Variants in DLGAP2 observed in about 807,000 individuals in gnomAD.
DLGAP2 encodes the protein disks large-associated protein 2.
DLGAP2 carries 26 observed loss-of-function variants against 100.3 expected under a neutral mutation model. That is an observed-to-expected ratio of 0.26 (90% confidence interval 0.19 to 0.36). DLGAP2 has a LOEUF of 0.36. Among genes scored for constraint, DLGAP2 ranks in the 10% least tolerant of loss-of-function variants. DLGAP2 has a pLI of 1.00. For synonymous variants in DLGAP2, 886 were observed against 630.1 expected (o/e 1.41, Z -6.08); for missense variants, 1,858 against 1,453.2 (o/e 1.28, Z -4.53).
intron 2 of DLGAP2, among the ~76,000 whole-genome samples, chr8:1,041,589 G>T (rs1802350009): frequency 1.4e-5 from 2 of 148,066 alleles, no homozygotes. Flanking sequence ...CGAACCCCTT[G>T]CCGTGGGTGA....
At chr8:1,692,791 G>A (rs999915029) in intron 13 of DLGAP2, among the ~76,000 whole-genome samples, 5 of 151,744 alleles carry the variant, frequency 3.3e-5, no homozygotes, top group Non-Finnish European at 5.9e-5. Flanking sequence ...TACAGTTGAC[G>A]TTAAACTTGG....
At chr8:1,555,506 C>T (rs79430061) in intron 5 of DLGAP2, among the ~76,000 whole-genome samples, 8,538 of 152,280 alleles carry the variant, frequency 0.056, 775 homozygotes, top group African/African-American at 0.19. Context: ...AGAATCCTCT[C>T]CCACCTTGAG....
chr8:1,644,117 G>GT lies in DLGAP2; in HGVS notation c.1810+11071_1810+11072insT, dbSNP rs1390615006. 1.5e-4 allele frequency among the ~76,000 whole-genome samples: 22 copies of GT among 143,556 alleles called. 2 individuals are homozygous for GT. Among genetic ancestry groups the GT allele is most frequent in the African/African-American group, 2.2e-4 (8 of 36,996 alleles). 94.2% of individuals were successfully genotyped at this position (143,556 alleles called of 152,430 possible). On this transcript the variant is annotated intron_variant, in intron 8 of 14. Transcript: ENST00000637795. Reference sequence around the variant, plus strand: ...ACCTGTGTCACCCTCGACCCCGCCGGCCCTCACCTGTGTCACCCCTCGGGG... The same window carrying GT: ...ACCTGTGTCACCCTCGACCCCGCCGGTCCCTCACCTGTGTCACCCCTCGGGG...
intron 8 of DLGAP2, among the ~76,000 whole-genome samples, chr8:1,636,759 G>C (rs1005062810): frequency 2.0e-5 from 3 of 152,168 alleles, no homozygotes; most frequent in African/African-American, 7.2e-5. Flanking sequence ...TCGAGTTACT[G>C]TGTAACTGAT....
At chr8:1,524,952 G>A (rs1302397559) in intron 4 of DLGAP2, among the ~76,000 whole-genome samples, 1 of 152,198 alleles carries the variant, frequency 6.6e-6, no homozygotes, top group East Asian at 1.9e-4. Context: ...TTTTCTTCTT[G>A]ACTTCTTGGT....
intron 1 of DLGAP2, among the ~76,000 whole-genome samples, chr8:843,447 C>G (rs1186976959): frequency 5.3e-5 from 8 of 152,194 alleles, no homozygotes; most frequent in African/African-American, 1.7e-4. Flanking sequence ...TGGGCAAATC[C>G]CCTTCCGGCT....
chr8:1,287,694 AGTGTGTGT>A lies in DLGAP2; in HGVS notation c.106+28830_106+28837del, dbSNP rs1271962722. Among the ~76,000 whole-genome samples, 242 of 57,746 alleles carry A rather than the reference AGTGTGTGT, an allele frequency of 4.2e-3. 18 individuals are homozygous for A. In the East Asian group the frequency reaches 0.075, roughly 18 times the overall value. 37.9% of individuals were successfully genotyped at this position (57,746 alleles called of 152,430 possible). ...TTAGGAGGGGAACTAGTTTCGGTTC[AGTGTGTGT>A]GTGTGTGTGTGTGTGTGTATGTGTG... On this transcript the variant is annotated intron_variant, in intron 3 of 14. Coordinates refer to ENST00000637795, the MANE Select transcript of DLGAP2 (RefSeq NM_001346810.2).
intron 2 of DLGAP2, 72 bp from the exon 3 acceptor site, chr8:1,258,779 G>A: frequency 1.1e-5 from 13 of 1,189,226 alleles, no homozygotes; most frequent in Non-Finnish European, 1.4e-5. Flanking sequence ...TGTTGTTGCT[G>A]ATGTTGAATC....
intron 3 of DLGAP2, among the ~76,000 whole-genome samples, chr8:1,278,380 T>C (rs1423512679): frequency 6.6e-6 from 1 of 152,224 alleles, no homozygotes; most frequent in Non-Finnish European, 1.5e-5. Flanking sequence ...ATCGGCGCAG[T>C]CGTGAGCCTG....
intron 3 of DLGAP2, among the ~76,000 whole-genome samples, chr8:1,319,607 C>T (rs187462165): frequency 2.0e-5 from 3 of 152,294 alleles, no homozygotes; most frequent in Non-Finnish European, 4.4e-5. Context: ...TGCTGGACGT[C>T]CATCAGCTGT....
intron 1 of DLGAP2, among the ~76,000 whole-genome samples, chr8:804,512 G>C (rs904048262): frequency 2.0e-5 from 3 of 152,156 alleles, no homozygotes; most frequent in African/African-American, 7.2e-5. Context: ...ATCAGGTGAC[G>C]AGATGCAGGG....
intron 3 of DLGAP2, among the ~76,000 whole-genome samples, chr8:1,328,275 C>G (rs139737511): frequency 0.02 from 3,003 of 151,910 alleles, 114 homozygotes; most frequent in African/African-American, 0.068. Flanking sequence ...CTCCTGACCT[C>G]GTGATCCACC....
chr8:1,282,941 C>G (rs1282921744), intron 3 of DLGAP2, among the ~76,000 whole-genome samples: 1 of 124,664 alleles, frequency 8.0e-6, no homozygotes, highest in African/African-American at 3.0e-5. Context: ...CATGGTGTGA[C>G]CTGAACCCAG....
At chr8:1,102,781 A>G (rs7014498) in intron 2 of DLGAP2, among the ~76,000 whole-genome samples, 136,635 of 151,942 alleles carry the variant, frequency 0.9, 61,543 homozygotes, top group African/African-American at 0.94. Flanking sequence ...GGGAGGAGAA[A>G]AAGGGGAAGA....
At chr8:1,168,333 A>G (rs146507345) in intron 2 of DLGAP2, among the ~76,000 whole-genome samples, 11 of 151,362 alleles carry the variant, frequency 7.3e-5, no homozygotes, top group African/African-American at 2.7e-4. Flanking sequence ...ATAGTGCCGC[A>G]ATAAACATAC....
At chr8:1,188,871 G>T (rs774662765) in intron 2 of DLGAP2, among the ~76,000 whole-genome samples, 10 of 152,222 alleles carry the variant, frequency 6.6e-5, no homozygotes, top group African/African-American at 9.6e-5. Context: ...AGTTAAAAAA[G>T]CACCTCCAAA....
chr8:1,347,064 T>G (rs1273811613), intron 3 of DLGAP2, among the ~76,000 whole-genome samples: 1 of 148,854 alleles, frequency 6.7e-6, no homozygotes, highest in African/African-American at 2.5e-5. Flanking sequence ...GAGGATGAGT[T>G]CCACACAGAG....
intron 2 of DLGAP2, among the ~76,000 whole-genome samples, chr8:1,095,624 CACAGCCAGG>C (rs1804343999): frequency 6.6e-6 from 1 of 152,168 alleles, no homozygotes; most frequent in African/African-American, 2.4e-5. Flanking sequence ...GTGCTGGGCG[CACAGCCAGG>C]ACACACAGTG....
intron 3 of DLGAP2, among the ~76,000 whole-genome samples, chr8:1,496,918 G>A (rs572579049): frequency 4.6e-5 from 7 of 152,274 alleles, no homozygotes; most frequent in African/African-American, 1.7e-4. Flanking sequence ...GCTCCCCCAA[G>A]ATGGTTTACG....
Sources: allele counts gnomAD v4.1 joint callset (sites outside exome capture counted in the v4.1 genomes callset), GRCh38; gene constraint gnomAD v4.1.1; transcripts MANE v1.5; gene names NCBI Gene and HGNC (gene_info 2026-07-23, HGNC 2026-07-21).